ZNF622: variants seen among roughly 807,000 people sequenced by gnomAD.
The protein encoded by ZNF622 is zinc finger protein 622, also known as cytoplasmic 60S subunit biogenesis factor ZNF622.
Under a neutral mutation model 49.7 loss-of-function variants are expected in ZNF622, and 34 were observed. The observed-to-expected ratio is 0.68, with a 90% CI of 0.52 to 0.91. The LOEUF (loss-of-function observed/expected upper bound fraction) is 0.91, where lower values mean the gene tolerates loss of function less well. Among genes scored for constraint, ZNF622 ranks in the 40% least tolerant of loss-of-function variants. The pLI, the probability that ZNF622 is intolerant of heterozygous loss-of-function variation, is 0.00. For synonymous variants in ZNF622, 209 were observed against 228.7 expected (o/e 0.91, Z 0.78); for missense variants, 569 against 616.4 (o/e 0.92, Z 0.81).
intron 3 of ZNF622, among the ~76,000 whole-genome samples, chr5:16,462,054 A>G (rs1466448874): frequency 6.6e-6 from 1 of 152,130 alleles, no homozygotes; most frequent in Non-Finnish European, 1.5e-5. Flanking sequence ...CTGAAAGAGG[A>G]TGCTTCCCAC....
At chr5:16,461,514 A>G (rs1031052723) in intron 3 of ZNF622, among the ~76,000 whole-genome samples, 3 of 152,242 alleles carry the variant, frequency 2.0e-5, no homozygotes, top group Non-Finnish European at 4.4e-5. Context: ...TAGCCATAGA[A>G]GTAGTGAGAA....
chr5:16,459,447 C>T (rs1319427411), intron 3 of ZNF622, among the ~76,000 whole-genome samples: 1 of 152,182 alleles, frequency 6.6e-6, no homozygotes, highest in Non-Finnish European at 1.5e-5. Context: ...AACTCTCCCT[C>T]ACTACAAGTG....
chr5:16,462,443 C>G (rs1423867639), intron 3 of ZNF622, among the ~76,000 whole-genome samples: 7 of 152,124 alleles, frequency 4.6e-5, no homozygotes, highest in African/African-American at 4.8e-5. Flanking sequence ...GGGTGGATCA[C>G]TTGGGTCTAG....
Position 16,453,093 on chromosome 5 carries a change from G to C in ZNF622, c.1226C>G (p.Ala409Gly). The change falls in exon 5 of 6, where the codon GCT becomes GGT. Residue 409 changes from alanine (A) to glycine (G), a missense_variant. By Grantham distance (60) the Ala-to-Gly change is moderately conservative. Coordinates refer to ENST00000308683, the MANE Select transcript of ZNF622 (RefSeq NM_033414.3). ...CTTCCGATTTTTGGCAACTGCCACA[G>C]CTCTTGACAAGCCAAATCGCTGTTT... ...YYKQRFGLSR[A>G]VAVAKNRKAV... 6.3e-7 allele frequency: 1 copy of C among 1,586,916 alleles called. No individual in the cohort carries two copies. Among genetic ancestry groups the C allele is most frequent in the East Asian group, 2.3e-5 (1 of 43,804 alleles).
At chr5:16,454,263 G>A (rs985742369) in intron 4 of ZNF622, among the ~76,000 whole-genome samples, 8 of 151,926 alleles carry the variant, frequency 5.3e-5, no homozygotes, top group South Asian at 2.1e-4. Context: ...CTAGGTGGAC[G>A]GATCACGAGG....
chr5:16,452,622 T>C (rs1013770730), intron 5 of ZNF622, among the ~76,000 whole-genome samples: 5 of 152,200 alleles, frequency 3.3e-5, no homozygotes, highest in African/African-American at 4.8e-5. Flanking sequence ...ATGTTCATCA[T>C]ATAAGAACCT....
chr5:16,456,328 AACTT>A (rs1465906084), intron 4 of ZNF622, among the ~76,000 whole-genome samples: 1 of 152,112 alleles, frequency 6.6e-6, no homozygotes, highest in Non-Finnish European at 1.5e-5. Flanking sequence ...CTTTCATACC[AACTT>A]ACTCCAAAAG....
rs145920203 is a variant in ZNF622 at position 16,465,090 on chromosome 5, C to G, written c.576G>C (p.Lys192Asn). ...WFEQQAKKLAKQQEEDSEEEE... is the reference protein window; with the variant it reads ...WFEQQAKKLANQQEEDSEEEE... ...CCTCCTCGCTGTCCTCCTCCTGCTG[C>G]TTTGCCAACTTCTTCGCCTGCTGTT... The change falls in exon 1 of 6, where the codon AAG becomes AAC. Residue 192 changes from lysine (K) to asparagine (N), a missense_variant. Physicochemically the swap from Lys to Asn is moderately conservative, Grantham distance 94 (BLOSUM62 0). Coordinates refer to ENST00000308683, the MANE Select transcript of ZNF622 (RefSeq NM_033414.3). The surrounding 1 kb of genome is among the most constrained non-coding windows in gnomAD (Gnocchi z 6.2). 3.6e-5 allele frequency: 58 copies of G among 1,611,328 alleles called. No individual in the cohort carries two copies. The African/African-American group carries it at 7.3e-4, about 20-fold the overall frequency.
At chr5:16,460,635 C>A (rs1738107350) in intron 3 of ZNF622, among the ~76,000 whole-genome samples, 1 of 151,948 alleles carries the variant, frequency 6.6e-6, no homozygotes. Context: ...AACTCCTGGC[C>A]TCTGGTGATC....
chr5:16,458,445 T>A (rs1365117322), intron 4 of ZNF622, 72 bp downstream of exon 4: 63 of 1,044,568 alleles, frequency 6.0e-5, no homozygotes, highest in Non-Finnish European at 8.5e-5. Context: ...GTATGGAAAG[T>A]AATTGATGGA....
chr5:16,463,036 C>T lies in ZNF622; in HGVS notation c.1049+72G>A. On this transcript the variant is annotated intron_variant, in intron 3 of 5. Transcript: ENST00000308683. This position sits in a 1 kb window ranked among gnomAD's most constrained non-coding sequence, Gnocchi z 4.2. ...GTTGTACAGTGCCAAACATATCCAG[C>T]ACTGGCACACCTAATAATCACTTCA... 7 of 1,494,052 alleles carry T rather than the reference C, an allele frequency of 4.7e-6. No homozygotes were observed. Among genetic ancestry groups the T allele is most frequent in the Middle Eastern group, 2.0e-4 (1 of 5,018 alleles). The allele number at this position is 1,494,052 out of a possible 1,614,324, so 92.5% of individuals were successfully genotyped here.
In ZNF622 at chr5:16,458,560, G is replaced by C. The variant is rs1414931195; in HGVS notation, c.1119C>G (p.Asn373Lys). The C allele has an allele frequency of 6.2e-7, 1 of 1,613,662 alleles. No homozygotes were observed. Among genetic ancestry groups the C allele is most frequent in the Non-Finnish European group, 8.5e-7 (1 of 1,179,806 alleles). ...NKAEELPSEK[N>K]LEYDDETMEL... ...CCATGGTTTCATCATCATATTCCAAGTTCTTTTCTGAGGGCAACTCCTCAG... is the reference window on the plus strand; with the variant it reads ...CCATGGTTTCATCATCATATTCCAACTTCTTTTCTGAGGGCAACTCCTCAG... The change falls in exon 4 of 6, where the codon AAC (asparagine) becomes AAG (lysine). Residue 373 changes from asparagine to lysine, a missense_variant. Coordinates refer to ENST00000308683, the MANE Select transcript of ZNF622 (RefSeq NM_033414.3).
chr5:16,460,185 G>C (rs1359123927), intron 3 of ZNF622, among the ~76,000 whole-genome samples: 1 of 152,080 alleles, frequency 6.6e-6, no homozygotes, highest in Non-Finnish European at 1.5e-5. Context: ...GTAAATAGTT[G>C]TTACACAGTA....
Position 16,458,502 on chromosome 5 carries a change from G to T in ZNF622, c.1162+15C>A. The T allele has an allele frequency of 1.3e-6, 2 of 1,577,408 alleles. No individual in the cohort carries two copies. Among genetic ancestry groups the T allele is most frequent in the South Asian group, 1.1e-5 (1 of 89,618 alleles). On this transcript the variant is annotated intron_variant, in intron 4 of 5. Coordinates refer to ENST00000308683, the MANE Select transcript of ZNF622 (RefSeq NM_033414.3). The stretch of plus-strand genomic sequence containing the variant: ...CACTGGCATTAAGCTATTTATTTTT[G>T]ACAAATGCACTTACCAGAAGGCAGA...
At chr5:16,464,300 C>CT (rs1166216046) in intron 1 of ZNF622, among the ~76,000 whole-genome samples, 5 of 152,110 alleles carry the variant, frequency 3.3e-5, no homozygotes, top group African/African-American at 4.8e-5. Flanking sequence ...TGGCTAGCCC[C>CT]TTTTTTGCCT....
intron 3 of ZNF622, among the ~76,000 whole-genome samples, chr5:16,462,308 CAACT>C: frequency 6.6e-6 from 1 of 152,220 alleles, no homozygotes; most frequent in African/African-American, 2.4e-5. Context: ...GGAATTTTGA[CAACT>C]AGTTGTTCAC....
chr5:16,457,717 A>G (rs1053479652), intron 4 of ZNF622, among the ~76,000 whole-genome samples: 5 of 152,220 alleles, frequency 3.3e-5, no homozygotes, highest in Non-Finnish European at 5.9e-5. Context: ...CCGTTACTGC[A>G]AATCTCCCAA....
chr5:16,464,978 A>C, intron 1 of ZNF622, 63 bp downstream of exon 1: 1 of 1,519,750 alleles, frequency 6.6e-7, no homozygotes, highest in Non-Finnish European at 8.8e-7. Flanking sequence ...TCGAGTATAA[A>C]TCTGGAAACT....
intron 1 of ZNF622, 49 bp downstream of exon 1, chr5:16,464,992 G>A (rs1368137603): frequency 6.6e-7 from 1 of 1,524,488 alleles, no homozygotes; most frequent in Non-Finnish European, 8.8e-7. Flanking sequence ...GGAAACTTAA[G>A]GGTGGGCCAA....
Sources: gnomAD v4.1 joint callset for allele counts (sites outside exome capture counted in the v4.1 genomes callset) on GRCh38, gnomAD v4.1.1 for gene constraint, Gnocchi (gnomAD v3.1) non-coding constraint, MANE v1.5 for transcripts, NCBI Gene and HGNC (gene_info 2026-07-23, HGNC 2026-07-21) for gene names.